The following DMD variants were observed in gnomAD, a reference collection of about 807,000 sequenced individuals.
DMD encodes mutant dystrophin.
Under a neutral mutation model 330.1 loss-of-function variants are expected in DMD, and 63 were observed. The ratio of observed to expected loss-of-function variants is 0.19; its 90% confidence interval spans 0.16 to 0.24. DMD has a LOEUF of 0.24. DMD is among the 10% of genes least tolerant of loss of function. The probability of loss-of-function intolerance (pLI) is 1.00; values close to 1 mark genes in which losing one functional copy is unlikely to be tolerated. For synonymous variants in DMD, 1,223 were observed against 959.8 expected, an observed-to-expected ratio of 1.27 and a Z score of -5.07; for missense variants, 3,344 against 2,684.1, an observed-to-expected ratio of 1.25 and a Z score of -5.43.
intron 11 of DMD, among the ~76,000 whole-genome samples, chrX:32,623,864 G>T (rs1215858184): frequency 1.8e-5 from 2 of 111,953 alleles, no homozygotes; most frequent in Non-Finnish European, 1.9e-5. Flanking sequence ...GTAGGTTAAA[G>T]AGCTGGCACA....
chrX:32,384,322 T>G (rs1163879716), intron 33 of DMD, among the ~76,000 whole-genome samples: 17 of 110,487 alleles, frequency 1.5e-4, no homozygotes, highest in Non-Finnish European at 1.9e-5. Flanking sequence ...TTTCTGTCTG[T>G]GGTGATCTTT....
chrX:32,023,924 G>A (rs2095826044), intron 44 of DMD, among the ~76,000 whole-genome samples: 1 of 110,946 alleles, frequency 9.0e-6, no homozygotes. Context: ...AATAGACACT[G>A]GGGACTACAG....
chrX:32,472,626 G>T (rs2040779938), intron 21 of DMD, among the ~76,000 whole-genome samples: 1 of 110,739 alleles, frequency 9.0e-6, no homozygotes, highest in Non-Finnish European at 1.9e-5. Flanking sequence ...TAAGTAAATT[G>T]CCCAAGGTGA....
chrX:32,876,391 C>A (rs747275707), intron 2 of DMD, among the ~76,000 whole-genome samples: 13 of 111,855 alleles, frequency 1.2e-4, no homozygotes, highest in Non-Finnish European at 2.1e-4. Flanking sequence ...TTTCCTAAAC[C>A]GTTCTTGTAA....
intron 74 of DMD, among the ~76,000 whole-genome samples, chrX:31,167,697 C>A (rs946783731): frequency 9.0e-6 from 1 of 111,577 alleles, no homozygotes; most frequent in Non-Finnish European, 1.9e-5. Context: ...CTCAAAAGTA[C>A]GGCCAAAAAT....
At chrX:32,812,859 G>A (rs978314526) in intron 6 of DMD, among the ~76,000 whole-genome samples, 2 of 111,176 alleles carry the variant, frequency 1.8e-5, no homozygotes, top group African/African-American at 6.5e-5. Context: ...AATATTTAGG[G>A]GACTTTTAAG....
At chrX:32,656,279 A>C (rs1453852240) in intron 9 of DMD, among the ~76,000 whole-genome samples, 3 of 111,795 alleles carry the variant, frequency 2.7e-5, no homozygotes, top group Non-Finnish European at 5.6e-5. Context: ...CTGGTGAGCT[A>C]TCCTCAACCG....
intron 1 of DMD, among the ~76,000 whole-genome samples, chrX:33,032,009 CTTGAA>C: frequency 8.9e-6 from 1 of 111,897 alleles, no homozygotes; most frequent in Non-Finnish European, 1.9e-5. Context: ...ATTAGAACTT[CTTGAA>C]CAAGTTGGTA....
At chrX:31,975,179 A>G (rs2095427237) in intron 44 of DMD, among the ~76,000 whole-genome samples, 1 of 111,281 alleles carries the variant, frequency 9.0e-6, no homozygotes. Context: ...CTGGTCCCAG[A>G]CATGTTTTGG....
intron 44 of DMD, among the ~76,000 whole-genome samples, chrX:32,197,189 G>C (rs928897266): frequency 9.2e-6 from 1 of 108,972 alleles, no homozygotes; most frequent in South Asian, 4.1e-4. Context: ...ATTTTTGTGG[G>C]TACATCGTAG....
At chrX:32,817,293 A>T (rs1348236237) in intron 5 of DMD, among the ~76,000 whole-genome samples, 1 of 110,887 alleles carries the variant, frequency 9.0e-6, no homozygotes, top group African/African-American at 3.3e-5. Context: ...ACAACAAAGG[A>T]AGGAAATATT....
intron 55 of DMD, among the ~76,000 whole-genome samples, chrX:31,522,822 G>A (rs1400475788): frequency 1.8e-5 from 2 of 111,499 alleles, no homozygotes; most frequent in East Asian, 5.7e-4. Flanking sequence ...GACCTTTGTC[G>A]GGGGGTACGT....
intron 62 of DMD, among the ~76,000 whole-genome samples, chrX:31,281,519 A>G (rs1026624924): frequency 9.0e-6 from 1 of 111,035 alleles, no homozygotes; most frequent in Non-Finnish European, 1.9e-5. Context: ...TCAACATCAA[A>G]CTTATTGGTT....
chrX:32,662,899 A>G (rs1373950665), intron 9 of DMD, among the ~76,000 whole-genome samples: 2 of 111,816 alleles, frequency 1.8e-5, no homozygotes, highest in Non-Finnish European at 3.8e-5. Flanking sequence ...TCCTTGAGTG[A>G]TTTTTCCCTC....
intron 44 of DMD, among the ~76,000 whole-genome samples, chrX:32,205,043 C>CCA (rs201384394): frequency 3.0e-5 from 1 of 33,496 alleles, no homozygotes; most frequent in South Asian, 1.4e-3. Context: ...ACACACACAC[C>CCA]CACACACACA....
intron 41 of DMD, among the ~76,000 whole-genome samples, chrX:32,323,049 G>A (rs6653870): frequency 0.052 from 5,799 of 111,731 alleles, 377 homozygotes; most frequent in African/African-American, 0.18. Flanking sequence ...ACCAGTCATC[G>A]ATCGAACACA....
At chrX:32,660,429 A>G (rs779256035) in intron 9 of DMD, among the ~76,000 whole-genome samples, 4 of 111,490 alleles carry the variant, frequency 3.6e-5, no homozygotes, top group Non-Finnish European at 7.6e-5. Context: ...TAAACGTCCT[A>G]AAGTCATAAA....
chrX:31,924,391 A>G (rs1293365913), intron 47 of DMD, among the ~76,000 whole-genome samples: 1 of 112,297 alleles, frequency 8.9e-6, no homozygotes, highest in Admixed American at 9.4e-5. Flanking sequence ...CTGGAAAAAG[A>G]CTAAACATTC....
chrX:33,148,976 G>A (rs2048155431), intron 1 of DMD, among the ~76,000 whole-genome samples: 2 of 110,718 alleles, frequency 1.8e-5, no homozygotes, highest in Admixed American at 1.9e-4. Context: ...TAGAATAGTG[G>A]TCCCCAGCCT....
Sources: gnomAD v4.1 joint callset for allele counts (sites outside exome capture counted in the v4.1 genomes callset) on GRCh38, gnomAD v4.1.1 for gene constraint, MANE v1.5 for transcripts, NCBI Gene and HGNC (gene_info 2026-07-23, HGNC 2026-07-21) for gene names.